MUC17: variants seen among roughly 807,000 people sequenced by gnomAD.
The protein encoded by MUC17 is mucin-17.
MUC17 carries 190 observed loss-of-function variants against 170.3 expected under a neutral mutation model. The ratio of observed to expected loss-of-function variants is 1.12; its 90% CI spans 0.99 to 1.26. MUC17 has a LOEUF of 1.26. MUC17 is among the 50% of genes most tolerant of loss of function. MUC17 has a pLI of 0.00. For synonymous variants in MUC17, 2,325 were observed against 2,002.5 expected, an observed-to-expected ratio of 1.16 and a Z score of -4.30; for missense variants, 6,415 against 5,530.0, an observed-to-expected ratio of 1.16 and a Z score of -5.08.
chr7:101,043,942 T>G (rs1584873146), intron 3 of MUC17, 123 bp downstream of exon 3: 3 of 883,754 alleles, frequency 3.4e-6, no homozygotes, highest in East Asian at 5.3e-5. Flanking sequence ...CTGCACCCAT[T>G]AACTCATCAT....
At position 101,024,344 on chromosome 7, in the gene MUC17, G is replaced by A. The variant is rs28428601; in HGVS notation, c.82+4127G>A. Among the ~76,000 whole-genome samples the A allele has an allele frequency of 3.1e-3, 478 of 151,932 alleles. 4 individuals carry two copies. Among genetic ancestry groups the A allele is most frequent in the African/African-American group, 0.011 (456 of 41,432 alleles). On this transcript the variant is annotated intron_variant, in intron 1 of 12. Coordinates refer to ENST00000306151, the MANE Select transcript of MUC17 (RefSeq NM_001040105.2). ...GAATCTGGGAGGCAGAGGTTGCCGT[G>A]AGCCGAGATGGCATCACTGCACTCC...
intron 9 of MUC17, 67 bp downstream of exon 9, chr7:101,052,029 TCAC>T: frequency 6.5e-7 from 1 of 1,544,632 alleles, no homozygotes; most frequent in South Asian, 1.2e-5. Context: ...CTGCAGGGCT[TCAC>T]CCCAGGCATT....
At position 101,037,073 on chromosome 7, in the gene MUC17, C is replaced by A. The variant is rs201300745; in HGVS notation, c.5657C>A (p.Thr1886Asn). 2.2e-5 allele frequency: 34 copies of A among 1,548,746 alleles called. No homozygotes were observed. Among genetic ancestry groups the A allele is most frequent in the Non-Finnish European group, 2.7e-5 (31 of 1,167,338 alleles). The change falls in exon 3 of 13, where the codon ACC (threonine) becomes AAC (asparagine). Residue 1886 changes from threonine to asparagine, a missense_variant. By Grantham distance (65) the Thr-to-Asn change is moderately conservative. Transcript: ENST00000306151. ...TTTVASSETN[T>N]LSTTPAVTST... is the part of the protein sequence containing the mutation. ...ACAGTGGCCAGTTCTGAAACCAACA[C>A]CCTTTCAACAACTCCCGCTGTCACC...
rs767381213 is a variant in MUC17 at position 101,042,261 on chromosome 7, T to C, written c.10845T>C (p.Ser3615=). The C allele has an allele frequency of 1.1e-5, 18 of 1,612,682 alleles. No homozygotes were observed. In the South Asian group the frequency reaches 2.0e-4, roughly 18 times the overall value. ...TGACCACTTCTACTCAGAGCAATTC[T>C]ACTCCTACACCTCCTGAAGTTATCA... ...TPVTTSTQSN[S]TPTPPEVITL... Residue 3615 remains serine (S), a synonymous_variant, in exon 3 of 13, where the codon TCT becomes TCC. Coordinates refer to ENST00000306151, the MANE Select transcript of MUC17 (RefSeq NM_001040105.2).
intron 11 of MUC17, 160 bp downstream of exon 11, chr7:101,053,596 CTCTA>C: frequency 1.8e-6 from 1 of 543,072 alleles, no homozygotes; most frequent in South Asian, 3.0e-5. Flanking sequence ...CACAGCAAAA[CTCTA>C]TCTCTTAAAA....
Position 101,038,909 on chromosome 7 carries a change from C to A in MUC17, c.7493C>A (p.Thr2498Lys), listed in dbSNP as rs1794586453. The change falls in exon 3 of 13, where the codon ACA (threonine) becomes AAA (lysine). Residue 2498 changes from threonine (T) to lysine (K), a missense_variant. Thr to Lys is a moderately conservative substitution (Grantham distance 78). Coordinates refer to ENST00000306151, the MANE Select transcript of MUC17 (RefSeq NM_001040105.2). ...TTSTEASSSP[T>K]TAEDIVVPIS... is the part of the protein sequence containing the mutation. Reference sequence around the variant, plus strand: ...TCTACTGAAGCCAGTTCATCTCCTACAACTGCTGAAGATATCGTCGTGCCA... The same window carrying A: ...TCTACTGAAGCCAGTTCATCTCCTAAAACTGCTGAAGATATCGTCGTGCCA... The A allele has an allele frequency of 6.2e-7, 1 of 1,614,054 alleles. No homozygotes were observed. The highest frequency in any genetic ancestry group is 8.5e-7 in the Non-Finnish European group (1 of 1,179,998).
Position 101,042,821 on chromosome 7 carries a change from C to G in MUC17, c.11405C>G (p.Thr3802Ser). ...TCTCCTACAACTCTTGAAGGCACCA[C>G]CACCATGCCTATGTCAACTACGAGT... is the stretch of plus-strand genomic sequence containing the variant. The part of the protein sequence containing the change: ...SSSPTTLEGT[T>S]TMPMSTTSER... Residue 3802 changes from threonine (T) to serine (S), a missense_variant, in exon 3 of 13, where the codon ACC becomes AGC. Thr to Ser is a moderately conservative substitution (Grantham distance 58, BLOSUM62 1). Transcript: ENST00000306151. The G allele has an allele frequency of 6.2e-7, 1 of 1,614,206 alleles. No homozygotes were observed.
At chr7:101,046,768 A>G (rs1794849742) in intron 3 of MUC17, among the ~76,000 whole-genome samples, 1 of 151,758 alleles carries the variant, frequency 6.6e-6, no homozygotes, top group South Asian at 2.1e-4. Context: ...AGATGGTGAG[A>G]CTCTGTCTCA....
rs1794379322 is a variant in MUC17, at chr7:101,034,083, T to C, written c.2667T>C (p.Pro889=). 6.3e-7 allele frequency: 1 copy of C among 1,585,088 alleles called. No individual in the cohort carries two copies. Among genetic ancestry groups the C allele is most frequent in the South Asian group, 1.1e-5 (1 of 87,008 alleles). The change falls in exon 3 of 13, where the codon CCT becomes CCC. Residue 889 remains proline, a synonymous_variant. Transcript: ENST00000306151. Reference sequence around the variant, plus strand: ...CAATCAGCACCCTTTCAACAACTCCTGTTGACACCAGCACACCTGTGACCA... The same window carrying C: ...CAATCAGCACCCTTTCAACAACTCCCGTTGACACCAGCACACCTGTGACCA... ...TSAISTLSTT[P]VDTSTPVTNS...
In MUC17 at chr7:101,043,378, A is replaced by G. The variant is rs982109438; in HGVS notation, c.11962A>G (p.Thr3988Ala). The change falls in exon 3 of 13, where the codon ACT (threonine) becomes GCT (alanine). Residue 3988 changes from threonine (T) to alanine (A), a missense_variant. Coordinates refer to ENST00000306151, the MANE Select transcript of MUC17 (RefSeq NM_001040105.2). ...TAGTACCACCACATCTTTTTCAACT[A>G]CTAAGGAATTTACAACACCCGCAAT... ...SSSTTTSFST[T>A]KEFTTPAMTT... 2 of 1,614,090 alleles carry G rather than the reference A, an allele frequency of 1.2e-6. No homozygotes were observed. The highest frequency in any genetic ancestry group is 1.7e-6 in the Non-Finnish European group (2 of 1,180,018).
chr7:101,045,395 C>A (rs1170699729), intron 3 of MUC17, among the ~76,000 whole-genome samples: 1 of 150,202 alleles, frequency 6.7e-6, no homozygotes, highest in Non-Finnish European at 1.5e-5. Flanking sequence ...CTTTTCTTTT[C>A]TTTTTCTTTT....
In MUC17 at chr7:101,039,368, G is replaced by T. The variant is rs757698793; in HGVS notation, c.7952G>T (p.Ser2651Ile). The change falls in exon 3 of 13, where the codon AGC (serine) becomes ATC (isoleucine). Residue 2651 changes from serine (S) to isoleucine (I), a missense_variant. Coordinates refer to ENST00000306151, the MANE Select transcript of MUC17 (RefSeq NM_001040105.2). ...STMPVASSEA[S>I]TLSTTPVDTR... ...ATGCCAGTGGCCAGTTCTGAGGCTA[G>T]CACCCTTTCAACAACTCCTGTTGAC... 2.5e-6 allele frequency: 4 copies of T among 1,612,502 alleles called. No individual in the cohort carries two copies. In the South Asian group the frequency reaches 4.4e-5, roughly 18 times the overall value.
Position 101,041,002 on chromosome 7 carries a change from A to G in MUC17, c.9586A>G (p.Thr3196Ala), listed in dbSNP as rs1425702362. Residue 3196 changes from threonine to alanine, a missense_variant, in exon 3 of 13, where the codon ACC becomes GCC. By Grantham distance (58) the Thr-to-Ala change is moderately conservative (BLOSUM62 0). Coordinates refer to ENST00000306151, the MANE Select transcript of MUC17 (RefSeq NM_001040105.2). ...TCCTGTTGACACCAGCACACCTGTG[A>G]CCACTTCTACTGAAGCCACTTCATC... ...ATPVDTSTPV[T>A]TSTEATSSTT... 2 of 1,614,000 alleles carry G rather than the reference A, an allele frequency of 1.2e-6. No homozygotes were observed. Among genetic ancestry groups the G allele is most frequent in the African/African-American group, 2.7e-5 (2 of 74,994 alleles).
At position 101,037,274 on chromosome 7, in the gene MUC17, C is replaced by G; in HGVS notation, c.5858C>G (p.Thr1953Ser). The change falls in exon 3 of 13, where the codon ACC (threonine) becomes AGC (serine). Residue 1953 changes from threonine (T) to serine (S), a missense_variant. Thr to Ser is a moderately conservative substitution (Grantham distance 58, BLOSUM62 1). Coordinates refer to ENST00000306151, the MANE Select transcript of MUC17 (RefSeq NM_001040105.2). ...INTLSTTLAD[T>S]RTPVTTYSQA... Reference sequence around the variant, plus strand: ...ACCCTTTCAACAACTCTTGCTGACACCAGGACACCTGTGACCACTTATTCT... The same window carrying G: ...ACCCTTTCAACAACTCTTGCTGACAGCAGGACACCTGTGACCACTTATTCT... 1 of 1,612,110 alleles carries G rather than the reference C, an allele frequency of 6.2e-7. No individual in the cohort carries two copies. Among genetic ancestry groups the G allele is most frequent in the Non-Finnish European group, 8.5e-7 (1 of 1,178,848 alleles).
Position 101,035,101 on chromosome 7 carries a change from A to G in MUC17, c.3685A>G (p.Thr1229Ala), listed in dbSNP as rs1186323278. The G allele has an allele frequency of 2.5e-6, 4 of 1,611,906 alleles. No individual in the cohort carries two copies. In the African/African-American group the frequency reaches 5.4e-5, roughly 22 times the overall value. ...ATTAACAAGTATGCCTGTCAGACACACGCCAGTGGCCAGTTCTGAGGCTAG... is the reference window on the plus strand; with the variant it reads ...ATTAACAAGTATGCCTGTCAGACACGCGCCAGTGGCCAGTTCTGAGGCTAG... ...TPLTSMPVRHTPVASSEASTL... is the reference protein window; with the variant it reads ...TPLTSMPVRHAPVASSEASTL... The change falls in exon 3 of 13, where the codon ACG becomes GCG. Residue 1229 changes from threonine (T) to alanine (A), a missense_variant. Physicochemically the swap from Thr to Ala is moderately conservative, Grantham distance 58 (BLOSUM62 0). Coordinates refer to ENST00000306151, the MANE Select transcript of MUC17 (RefSeq NM_001040105.2).
chr7:101,044,762 T>C (rs2116462966), intron 3 of MUC17, among the ~76,000 whole-genome samples: 1 of 152,346 alleles, frequency 6.6e-6, no homozygotes, highest in South Asian at 2.1e-4. Context: ...TAGTGGATTT[T>C]CTCATTGATT....
Position 101,032,863 on chromosome 7 carries a change from G to A in MUC17, c.1447G>A (p.Val483Met), listed in dbSNP as rs759806324. The change falls in exon 3 of 13, where the codon GTG (valine) becomes ATG (methionine). Residue 483 changes from valine (V) to methionine (M), a missense_variant. Coordinates refer to ENST00000306151, the MANE Select transcript of MUC17 (RefSeq NM_001040105.2). Reference protein sequence around the residue: ...STTPVDSKTQVTTSTEASSSP... With the variant: ...STTPVDSKTQMTTSTEASSSP... ...AACTCCTGTTGACTCCAAAACTCAG[G>A]TGACCACTTCTACTGAAGCCAGTTC... The A allele has an allele frequency of 1.2e-6, 2 of 1,613,680 alleles. No homozygotes were observed. The highest frequency in any genetic ancestry group is 2.2e-5 in the East Asian group (1 of 44,850).
intron 3 of MUC17, among the ~76,000 whole-genome samples, chr7:101,046,493 A>G (rs961385020): frequency 1.3e-5 from 2 of 152,218 alleles, no homozygotes; most frequent in African/African-American, 4.8e-5. Flanking sequence ...AGGAGTTGTT[A>G]GGCTGGGCAT....
At chr7:101,020,771 T>C (rs1794062047) in intron 1 of MUC17, among the ~76,000 whole-genome samples, 1 of 152,092 alleles carries the variant, frequency 6.6e-6, no homozygotes, top group Non-Finnish European at 1.5e-5. Flanking sequence ...GCTCAGTTCA[T>C]CTCCTGCCTC....
Sources: allele counts gnomAD v4.1 joint callset (sites outside exome capture counted in the v4.1 genomes callset), GRCh38; gene constraint gnomAD v4.1.1; transcripts MANE v1.5; gene names NCBI Gene and HGNC (gene_info 2026-07-23, HGNC 2026-07-21).